LMLN: variants seen among roughly 807,000 people sequenced by gnomAD.
The protein encoded by LMLN is leishmanolysin-like peptidase.
Under a neutral mutation model 92.3 loss-of-function variants are expected in LMLN, and 70 were observed. The ratio of observed to expected loss-of-function variants is 0.76; its 90% CI spans 0.63 to 0.92. LMLN has a LOEUF of 0.92. Ranked by LOEUF, LMLN falls within the 40% of genes least tolerant of loss-of-function variation. The probability of loss-of-function intolerance (pLI) is 0.00; values close to 1 mark genes in which losing one functional copy is unlikely to be tolerated. For missense variants in LMLN, 691 were observed against 814.6 expected (o/e 0.85, Z 1.85); for synonymous variants, 308 against 296.2 (o/e 1.04, Z -0.41).
intron 14 of LMLN, among the ~76,000 whole-genome samples, chr3:198,027,604 A>T (rs1722969296): frequency 6.6e-6 from 1 of 152,098 alleles, no homozygotes; most frequent in African/African-American, 2.4e-5. Context: ...GTAGAATCAT[A>T]CCATGTTTGT....
At chr3:198,009,386 CCT>C (rs1382275468) in intron 11 of LMLN, among the ~76,000 whole-genome samples, 1 of 151,998 alleles carries the variant, frequency 6.6e-6, no homozygotes, top group Non-Finnish European at 1.5e-5. Flanking sequence ...TTTTGTAATT[CCT>C]CTCTTTATCT....
rs1199128539 is a variant in LMLN at position 198,035,864 on chromosome 3, G to A, written c.1688G>A (p.Trp563Ter). The change falls in exon 15 of 16, where the codon TGG (tryptophan) becomes TAG (stop). Residue 563 changes from tryptophan (W) to a stop codon, truncating the protein, a stop_gained. Transcript: ENST00000330198. LOFTEE classifies it high-confidence loss of function. ...TGTTCTCCTCAAGGTCTGAAAGTTTGGGTCCAAGATACTTCATATTTGTGT... is the reference window on the plus strand; with the variant it reads ...TGTTCTCCTCAAGGTCTGAAAGTTTAGGTCCAAGATACTTCATATTTGTGT... The A allele has an allele frequency of 1.2e-6, 2 of 1,613,924 alleles. No homozygotes were observed. The highest frequency in any genetic ancestry group is 2.2e-5 in the South Asian group (2 of 91,058).
chr3:197,997,084 T>C (rs1443823041), intron 10 of LMLN, among the ~76,000 whole-genome samples: 1 of 147,356 alleles, frequency 6.8e-6, no homozygotes, highest in East Asian at 1.9e-4. Flanking sequence ...TTCCTTTTCT[T>C]TTTCCTTTTC....
intron 14 of LMLN, among the ~76,000 whole-genome samples, chr3:198,026,566 A>G (rs1376101483): frequency 6.6e-6 from 1 of 152,110 alleles, no homozygotes; most frequent in African/African-American, 2.4e-5. Context: ...CAGCCTCCCA[A>G]AGTGCTGGGA....
chr3:198,017,413 G>C (rs1453516225), intron 11 of LMLN, among the ~76,000 whole-genome samples: 1 of 150,800 alleles, frequency 6.6e-6, no homozygotes, highest in Non-Finnish European at 1.5e-5. Context: ...AGCGTAGGCA[G>C]AGCCATACTT....
chr3:198,003,285 A>C lies in LMLN; in HGVS notation c.1232+3943A>C, dbSNP rs574326874. Among the ~76,000 whole-genome samples, 10 of 152,354 alleles carry C rather than the reference A, an allele frequency of 6.6e-5. No homozygotes were observed. The South Asian group carries it at 2.1e-3, about 32-fold the overall frequency. On this transcript the variant is annotated intron_variant, in intron 11 of 15. Transcript: ENST00000330198. ...ATAGATGGTTGGTAATAATATAGTG[A>C]GAAGTTAGCTGTAAGTAGTTTTTAA...
chr3:198,005,646 T>C (rs1722273055), intron 11 of LMLN, among the ~76,000 whole-genome samples: 1 of 150,948 alleles, frequency 6.6e-6, no homozygotes, highest in Non-Finnish European at 1.5e-5. Context: ...TTCTTTTTTT[T>C]TTTTTTGAGA....
At chr3:198,009,261 A>G (rs1446054272) in intron 11 of LMLN, among the ~76,000 whole-genome samples, 2 of 152,204 alleles carry the variant, frequency 1.3e-5, no homozygotes, top group African/African-American at 4.8e-5. Flanking sequence ...TAATGGATTC[A>G]TCTATTTCAT....
At chr3:197,962,090 AGAACGTTCC>A (rs775024620) in intron 1 of LMLN, among the ~76,000 whole-genome samples, 14 of 152,192 alleles carry the variant, frequency 9.2e-5, no homozygotes, top group Admixed American at 3.9e-4. Context: ...ATCACAACAT[AGAACGTTCC>A]CACATCTCCA....
At chr3:197,984,942 T>TGAG (rs1218114223) in intron 7 of LMLN, among the ~76,000 whole-genome samples, 1 of 152,020 alleles carries the variant, frequency 6.6e-6, no homozygotes, top group Non-Finnish European at 1.5e-5. Flanking sequence ...CCTCCCAAAG[T>TGAG]GCTGGGATTA....
chr3:197,987,141 A>G (rs111591121), intron 8 of LMLN, among the ~76,000 whole-genome samples: 9,715 of 142,738 alleles, frequency 0.068, 371 homozygotes, highest in African/African-American at 0.11. Flanking sequence ...CACCCGGCCT[A>G]TGTTTAATAT....
chr3:197,984,005 T>C, exon 7 of LMLN: 2 of 1,613,922 alleles, frequency 1.2e-6, no homozygotes, highest in Non-Finnish European at 1.7e-6. Context: ...CAGGAGTTTG[T>C]TGGGATGCTG....
At chr3:197,969,040 A>T (rs1311814481) in intron 1 of LMLN, among the ~76,000 whole-genome samples, 1 of 151,476 alleles carries the variant, frequency 6.6e-6, no homozygotes, top group Non-Finnish European at 1.5e-5. Context: ...GTCTGTAGTG[A>T]TATCTTCTGT....
At chr3:197,968,155 G>A (rs1224781432) in intron 1 of LMLN, among the ~76,000 whole-genome samples, 1 of 152,180 alleles carries the variant, frequency 6.6e-6, no homozygotes, top group Non-Finnish European at 1.5e-5. Context: ...AGAGATTAAA[G>A]TAAGACAGGC....
chr3:197,999,515 G>A lies in LMLN; in HGVS notation c.1232+173G>A, dbSNP rs144422039. On this transcript the variant is annotated intron_variant, in intron 11 of 15. Transcript: ENST00000330198. ...TCATACCAACTCCATTCATTCATTC[G>A]TTCATTCAATAAATACTTTTGTTGT... 529 of 594,990 alleles carry A rather than the reference G, an allele frequency of 8.9e-4. 3 individuals carry two copies. Among genetic ancestry groups the A allele is most frequent in the African/African-American group, 8.4e-3 (452 of 53,610 alleles). 36.9% of individuals were successfully genotyped at this position (594,990 alleles called of 1,614,324 possible).
intron 6 of LMLN, among the ~76,000 whole-genome samples, chr3:197,982,078 T>G (rs1398227744): frequency 6.6e-6 from 1 of 152,114 alleles, no homozygotes; most frequent in Non-Finnish European, 1.5e-5. Flanking sequence ...AGTGTTAGGA[T>G]TACAGGTGTG....
At chr3:198,014,728 C>T (rs1722568994) in intron 11 of LMLN, among the ~76,000 whole-genome samples, 4 of 144,170 alleles carry the variant, frequency 2.8e-5, no homozygotes, top group African/African-American at 5.3e-5. Context: ...CTCCACTCTT[C>T]AGAGCCCCCT....
chr3:198,015,534 C>T (rs980077161), intron 11 of LMLN, among the ~76,000 whole-genome samples: 2 of 142,158 alleles, frequency 1.4e-5, no homozygotes, highest in African/African-American at 2.7e-5. Context: ...TGACTTCTCT[C>T]CACTCTTCAG....
exon 5 of LMLN, chr3:197,976,678 A>T: frequency 6.3e-7 from 1 of 1,576,648 alleles, no homozygotes; most frequent in Non-Finnish European, 8.7e-7. Context: ...GCACACACAA[A>T]GTGCGGCCCC....
Sources: gnomAD v4.1 joint callset for allele counts (sites outside exome capture counted in the v4.1 genomes callset) on GRCh38, gnomAD v4.1.1 for gene constraint, MANE v1.5 for transcripts, NCBI Gene and HGNC (gene_info 2026-07-23, HGNC 2026-07-21) for gene names.